Variants in TENM3 observed in about 807,000 individuals in gnomAD.
The protein encoded by TENM3 is teneurin-3.
Under a neutral mutation model 255.1 loss-of-function variants are expected in TENM3, and 63 were observed. The observed-to-expected ratio is 0.25, with a 90% confidence interval of 0.20 to 0.30. The LOEUF is 0.30. TENM3 is among the 10% of genes least tolerant of loss of function. The pLI is 1.00. For missense variants in TENM3, 2,929 were observed against 3,461.1 expected (o/e 0.85, Z 3.86); for synonymous variants, 1,306 against 1,322.3 (o/e 0.99, Z 0.27).
chr4:182,440,993 T>C (rs1185438838), intron 3 of TENM3, among the ~76,000 whole-genome samples: 1 of 152,132 alleles, frequency 6.6e-6, no homozygotes, highest in African/African-American at 2.4e-5. Flanking sequence ...TAAAATAGAA[T>C]TGCCCTCAGT....
the TENM3 span, among the ~76,000 whole-genome samples, chr4:181,714,443 G>A: frequency 1.3e-5 from 2 of 152,078 alleles, no homozygotes; most frequent in Admixed American, 1.3e-4. Flanking sequence ...AGAGCAAGAT[G>A]CTATCTCAAA....
the TENM3 span, among the ~76,000 whole-genome samples, chr4:181,911,146 T>C: frequency 7.2e-5 from 11 of 152,228 alleles, no homozygotes; most frequent in African/African-American, 2.7e-4. Flanking sequence ...GCGGGTAATT[T>C]GGTCAGAACA....
At chr4:182,156,875 A>G (rs930768364) in intron 1 of TENM3, among the ~76,000 whole-genome samples, 3 of 152,150 alleles carry the variant, frequency 2.0e-5, no homozygotes, top group African/African-American at 7.2e-5. Context: ...GAAAGATGAG[A>G]AGAAATAAGG....
intron 3 of TENM3, among the ~76,000 whole-genome samples, chr4:182,552,105 A>G (rs1742099992): frequency 6.6e-6 from 1 of 151,996 alleles, no homozygotes; most frequent in South Asian, 2.1e-4. Flanking sequence ...CCTGGCAGCA[A>G]CTTTTCTAGA....
At chr4:182,304,716 A>G (rs763241135) in intron 1 of TENM3, among the ~76,000 whole-genome samples, 6 of 152,166 alleles carry the variant, frequency 3.9e-5, no homozygotes, top group South Asian at 2.1e-4. Context: ...TTCAGTTACA[A>G]TCAGCACTCC....
chr4:181,885,331 C>G, the TENM3 span, among the ~76,000 whole-genome samples: 9 of 152,282 alleles, frequency 5.9e-5, no homozygotes, highest in East Asian at 1.7e-3. Context: ...GGTGAGATGT[C>G]GGCTCACTGC....
chr4:181,988,511 T>G, the TENM3 span, among the ~76,000 whole-genome samples: 1 of 152,104 alleles, frequency 6.6e-6, no homozygotes, highest in South Asian at 2.1e-4. Context: ...TTGTCACCAC[T>G]CTTCTTGTGG....
intron 3 of TENM3, among the ~76,000 whole-genome samples, chr4:182,458,358 ATTATGT>A: frequency 6.6e-6 from 1 of 152,186 alleles, no homozygotes; most frequent in Non-Finnish European, 1.5e-5. Flanking sequence ...AAAATGATAG[ATTATGT>A]TTGTGTTTAC....
the TENM3 span, among the ~76,000 whole-genome samples, chr4:181,596,157 G>A: frequency 6.6e-6 from 1 of 152,128 alleles, no homozygotes; most frequent in Non-Finnish European, 1.5e-5. Context: ...ATAAGTAACT[G>A]AAGTCTTGTT....
the TENM3 span, among the ~76,000 whole-genome samples, chr4:181,546,100 C>T: frequency 1.3e-5 from 2 of 152,148 alleles, no homozygotes; most frequent in African/African-American, 4.8e-5. Context: ...AAAGGTCTTG[C>T]GTTCTTATGC....
chr4:182,773,696 G>C (rs752675193), intron 23 of TENM3, 49 bp downstream of exon 23: 1 of 1,544,928 alleles, frequency 6.5e-7, no homozygotes, highest in South Asian at 1.2e-5. Context: ...CACCCAGACA[G>C]AATGCGGCAA....
intron 1 of TENM3, among the ~76,000 whole-genome samples, chr4:182,270,360 C>G (rs1044382884): frequency 6.6e-6 from 1 of 152,172 alleles, no homozygotes; most frequent in Non-Finnish European, 1.5e-5. Flanking sequence ...TGATTTCCTT[C>G]AAGGTCTGCT....
the TENM3 span, among the ~76,000 whole-genome samples, chr4:181,801,696 A>ATATATG: frequency 8.2e-6 from 1 of 121,586 alleles, no homozygotes; most frequent in Non-Finnish European, 1.7e-5. Flanking sequence ...ATATATATAT[A>ATATATG]TGCAACAATG....
At chr4:182,788,752 G>A (rs1765876156) in intron 24 of TENM3, among the ~76,000 whole-genome samples, 1 of 152,146 alleles carries the variant, frequency 6.6e-6, no homozygotes, top group Admixed American at 6.5e-5. Flanking sequence ...GTGTCTTTTG[G>A]GGGAGGAGCT....
chr4:181,634,339 T>G, the TENM3 span, among the ~76,000 whole-genome samples: 8 of 151,848 alleles, frequency 5.3e-5, no homozygotes, highest in Non-Finnish European at 1.0e-4. Context: ...CTCCAACAGA[T>G]CCATTTTCAA....
At chr4:182,059,319 A>G in the TENM3 span, among the ~76,000 whole-genome samples, 1 of 152,080 alleles carries the variant, frequency 6.6e-6, no homozygotes, top group South Asian at 2.1e-4. Flanking sequence ...TATTGAAACT[A>G]TTATAGTTTT....
chr4:181,749,756 G>A, the TENM3 span, among the ~76,000 whole-genome samples: 1 of 152,014 alleles, frequency 6.6e-6, no homozygotes, highest in African/African-American at 2.4e-5. Context: ...CATTAATTTT[G>A]TCTCTTTAAA....
chr4:181,549,526 C>A, the TENM3 span, among the ~76,000 whole-genome samples: 20 of 152,336 alleles, frequency 1.3e-4, no homozygotes, highest in African/African-American at 4.6e-4. Flanking sequence ...GTGCTCAGCC[C>A]TTCCAGGCAT....
At chr4:181,849,860 G>C in the TENM3 span, among the ~76,000 whole-genome samples, 1 of 151,778 alleles carries the variant, frequency 6.6e-6, no homozygotes, top group Non-Finnish European at 1.5e-5. Flanking sequence ...AGAGGAAGGC[G>C]GATTAGCTAG....
Sources: gnomAD v4.1 joint callset for allele counts (sites outside exome capture counted in the v4.1 genomes callset) on GRCh38, gnomAD v4.1.1 for gene constraint, MANE v1.5 for transcripts, NCBI Gene and HGNC (gene_info 2026-07-23, HGNC 2026-07-21) for gene names.